The following CLPB variants were observed in gnomAD, a reference collection of about 807,000 sequenced individuals.
CLPB encodes the protein ClpB family mitochondrial disaggregase.
A neutral mutation model predicts 78.4 loss-of-function variants in CLPB; 40 were observed. That is an observed-to-expected ratio of 0.51 (90% CI 0.40 to 0.66). The LOEUF (loss-of-function observed/expected upper bound fraction) is 0.66, where lower values mean the gene tolerates loss of function less well. Ranked by LOEUF, CLPB falls within the 30% of genes least tolerant of loss-of-function variation. CLPB has a pLI of 0.00. For missense variants in CLPB, 780 were observed against 886.9 expected (o/e 0.88, Z 1.53); for synonymous variants, 333 against 348.0 (o/e 0.96, Z 0.48).
At chr11:72,402,906 C>A in intron 3 of CLPB, 60 bp downstream of exon 3, 1 of 1,439,160 alleles carries the variant, frequency 6.9e-7, no homozygotes, top group South Asian at 1.2e-5. Flanking sequence ...GGAGAGTGCT[C>A]AGGAGCACAG....
intron 5 of CLPB, among the ~76,000 whole-genome samples, chr11:72,349,823 T>G (rs566060648): frequency 9.8e-5 from 15 of 152,342 alleles, no homozygotes; most frequent in Non-Finnish European, 1.2e-4. Context: ...CCAGGCTCAG[T>G]GCAGGTGGAG....
chr11:72,414,972 C>T (rs757080852), intron 2 of CLPB, among the ~76,000 whole-genome samples: 1 of 152,174 alleles, frequency 6.6e-6, no homozygotes, highest in Non-Finnish European at 1.5e-5. Context: ...AATCCCAGTA[C>T]TTTGAGAGGC....
chr11:72,371,876 C>T (rs1312000460), intron 4 of CLPB, among the ~76,000 whole-genome samples: 1 of 152,220 alleles, frequency 6.6e-6, no homozygotes, highest in Non-Finnish European at 1.5e-5. Flanking sequence ...CTTCTCTGAG[C>T]TCTGATAGTC....
chr11:72,326,651 G>A (rs183525266), intron 6 of CLPB, among the ~76,000 whole-genome samples: 4 of 152,238 alleles, frequency 2.6e-5, no homozygotes, highest in Admixed American at 6.5e-5. Flanking sequence ...CCCATGTCTA[G>A]ACAAAGAGCC....
At chr11:72,300,947 G>A (rs1411517018) in intron 11 of CLPB, among the ~76,000 whole-genome samples, 1 of 152,182 alleles carries the variant, frequency 6.6e-6, no homozygotes, top group African/African-American at 2.4e-5. Context: ...GTGGTATGGG[G>A]GGAGAATTGG....
intron 7 of CLPB, among the ~76,000 whole-genome samples, chr11:72,315,973 C>T (rs1381055568): frequency 1.3e-5 from 2 of 152,216 alleles, no homozygotes; most frequent in Admixed American, 1.3e-4. Context: ...GCCTTATTCC[C>T]TCATGCTTGG....
At chr11:72,293,729 G>T in intron 15 of CLPB, 114 bp from the exon 16 acceptor site, 1 of 1,324,090 alleles carries the variant, frequency 7.6e-7, no homozygotes, top group Non-Finnish European at 1.0e-6. Context: ...CTGAGCCTCA[G>T]CTTTCTCATT....
rs1331689331 is a variant in CLPB at position 72,289,706 on chromosome 11, G to A, written c.*3661C>T. ...CTGCCTCAGCCTCCTACGTAGCTAGGATTACAGGAATGCACCACCATGCCT... is the reference window on the plus strand; with the variant it reads ...CTGCCTCAGCCTCCTACGTAGCTAGAATTACAGGAATGCACCACCATGCCT... On this transcript the variant is annotated 3_prime_UTR_variant, in exon 16 of 16. Transcript: ENST00000538039. The A allele has an allele frequency of 6.6e-6, 1 of 152,246 alleles. No homozygotes were observed. The highest frequency in any genetic ancestry group is 2.4e-5 in the African/African-American group (1 of 41,534). 9.4% of individuals were successfully genotyped at this position (152,246 alleles called of 1,614,324 possible). A position where few individuals can be genotyped will look rare whatever the true frequency, so the allele number is the denominator to read the frequency against.
intron 5 of CLPB, among the ~76,000 whole-genome samples, chr11:72,346,584 T>C (rs1469278275): frequency 1.3e-5 from 2 of 149,140 alleles, no homozygotes; most frequent in African/African-American, 5.0e-5. Context: ...AAATGCTATA[T>C]GTTAAAAAAA....
intron 4 of CLPB, among the ~76,000 whole-genome samples, chr11:72,372,252 A>G (rs1951056015): frequency 6.6e-6 from 1 of 152,226 alleles, no homozygotes; most frequent in South Asian, 2.1e-4. Flanking sequence ...ACATTCCGTT[A>G]AGAATATGAG....
At chr11:72,369,944 G>T (rs992239198) in intron 4 of CLPB, among the ~76,000 whole-genome samples, 2 of 152,108 alleles carry the variant, frequency 1.3e-5, no homozygotes, top group Non-Finnish European at 2.9e-5. Context: ...TTCCCCCATG[G>T]TCCATTGTGA....
intron 7 of CLPB, among the ~76,000 whole-genome samples, chr11:72,309,775 A>G (rs1949811308): frequency 6.6e-6 from 1 of 152,240 alleles, no homozygotes; most frequent in South Asian, 2.1e-4. Context: ...TGTCAAGGTC[A>G]GTCTGCAAAT....
At chr11:72,406,857 C>T (rs1651640486) in intron 2 of CLPB, among the ~76,000 whole-genome samples, 1 of 152,142 alleles carries the variant, frequency 6.6e-6, no homozygotes, top group Non-Finnish European at 1.5e-5. Flanking sequence ...TCTTTTCCTT[C>T]CCTCCTTCCT....
chr11:72,396,908 A>T (rs924240849), intron 3 of CLPB, among the ~76,000 whole-genome samples: 1 of 152,254 alleles, frequency 6.6e-6, no homozygotes, highest in Non-Finnish European at 1.5e-5. Flanking sequence ...AAAAGTGTTT[A>T]AAGTCAGTTT....
intron 5 of CLPB, among the ~76,000 whole-genome samples, chr11:72,341,519 G>A (rs748120000): frequency 3.8e-4 from 58 of 152,246 alleles, no homozygotes; most frequent in Non-Finnish European, 7.6e-4. Flanking sequence ...ATACATTAAA[G>A]ATATAAATGA....
At chr11:72,429,608 C>G (rs1449113188) in intron 2 of CLPB, among the ~76,000 whole-genome samples, 1 of 152,232 alleles carries the variant, frequency 6.6e-6, no homozygotes, top group African/African-American at 2.4e-5. Flanking sequence ...ATAGTTTCAA[C>G]AAGAATAAGA....
intron 4 of CLPB, among the ~76,000 whole-genome samples, chr11:72,365,111 G>T (rs1950918459): frequency 1.3e-5 from 2 of 152,108 alleles, no homozygotes; most frequent in African/African-American, 4.8e-5. Context: ...TCTGAGGTTG[G>T]GAGTTCGAGA....
chr11:72,294,348 C>T lies in CLPB; in HGVS notation c.1657G>A (p.Glu553Lys), dbSNP rs1949510179. 3.7e-6 allele frequency: 6 copies of T among 1,614,060 alleles called. No homozygotes were observed. Among genetic ancestry groups the T allele is most frequent in the Non-Finnish European group, 5.1e-6 (6 of 1,180,034 alleles). Residue 553 changes from glutamate to lysine, a missense_variant, in exon 14 of 16, where the codon GAA becomes AAA. By Grantham distance (56) the Glu-to-Lys change is moderately conservative (BLOSUM62 1). Coordinates refer to ENST00000538039, the MANE Select transcript of CLPB (RefSeq NM_001258392.3). ...ACTCTCTTGGCCCAGAAGTTTAGTT[C>T]CTTGTTGACGAGTTGGATGAGCTCC... ...HSELIQLVNKELNFWAKRAKQ... is the reference protein window; with the variant it reads ...HSELIQLVNKKLNFWAKRAKQ...
intron 6 of CLPB, among the ~76,000 whole-genome samples, chr11:72,329,205 T>G (rs1950179552): frequency 6.6e-6 from 1 of 151,854 alleles, no homozygotes; most frequent in African/African-American, 2.4e-5. Context: ...GAATGGAGGG[T>G]TTTTTGGCTC....
Sources: gnomAD v4.1 joint callset for allele counts (sites outside exome capture counted in the v4.1 genomes callset) on GRCh38, gnomAD v4.1.1 for gene constraint, MANE v1.5 for transcripts, NCBI Gene and HGNC (gene_info 2026-07-23, HGNC 2026-07-21) for gene names.